DNAH9: variants seen among roughly 807,000 people sequenced by gnomAD.
DNAH9 encodes the protein DNAH9 variant protein.
Under a neutral mutation model 471.6 loss-of-function variants are expected in DNAH9, and 345 were observed. The ratio of observed to expected loss-of-function variants is 0.73; its 90% confidence interval spans 0.67 to 0.80. The LOEUF is 0.80. Ranked by LOEUF, DNAH9 falls within the 30% of genes least tolerant of loss-of-function variation. The pLI, the probability that DNAH9 is intolerant of heterozygous loss-of-function variation, is 0.00. For missense variants in DNAH9, 5,407 were observed against 5,609.2 expected (o/e 0.96, Z 1.15); for synonymous variants, 2,093 against 2,123.6 (o/e 0.99, Z 0.40).
intron 5 of DNAH9, among the ~76,000 whole-genome samples, chr17:11,619,020 T>G (rs542476673): frequency 6.6e-6 from 1 of 152,188 alleles, no homozygotes; most frequent in Non-Finnish European, 1.5e-5. Flanking sequence ...TATTGGCTCA[T>G]GTACCTTGAA....
Position 11,699,877 on chromosome 17 carries a change from C to T in DNAH9, c.5019C>T (p.Ser1673=), listed in dbSNP as rs138213866. 2.2e-5 allele frequency: 35 copies of T among 1,613,900 alleles called. No individual in the cohort carries two copies. Among genetic ancestry groups the T allele is most frequent in the South Asian group, 1.9e-4 (17 of 91,074 alleles). ...CTTTCAGTGAGCCCTGTGACTGCAG[C>T]GGGCAGGTAACACAGTAGCCCTTTC... ...YVAFSEPCDC[S]GQVEIWLNHV... The change falls in exon 23 of 69, where the codon AGC becomes AGT. Residue 1673 remains serine, a synonymous_variant. Coordinates refer to ENST00000262442, the MANE Select transcript of DNAH9 (RefSeq NM_001372.4).
chr17:11,948,831 A>G (rs1272920202), intron 67 of DNAH9, among the ~76,000 whole-genome samples: 2 of 152,160 alleles, frequency 1.3e-5, no homozygotes, highest in Non-Finnish European at 2.9e-5. Context: ...GGTAGAAAAA[A>G]CAGAGAGGAG....
chr17:11,864,788 G>A (rs921283524), intron 50 of DNAH9, among the ~76,000 whole-genome samples: 6 of 151,492 alleles, frequency 4.0e-5, no homozygotes, highest in Non-Finnish European at 7.4e-5. Flanking sequence ...GGCCTTCTTT[G>A]TCTCTTTTGA....
intron 7 of DNAH9, among the ~76,000 whole-genome samples, chr17:11,631,954 A>C (rs763386283): frequency 6.0e-5 from 9 of 150,496 alleles, no homozygotes; most frequent in Non-Finnish European, 1.2e-4. Flanking sequence ...GGGTTGCCAG[A>C]TAAACTACAC....
chr17:11,829,604 T>G (rs893852773), intron 48 of DNAH9, among the ~76,000 whole-genome samples: 23 of 152,178 alleles, frequency 1.5e-4, no homozygotes, highest in Non-Finnish European at 3.4e-4. Context: ...CTGAAGTAGC[T>G]GGAACTACAG....
intron 26 of DNAH9, among the ~76,000 whole-genome samples, chr17:11,705,836 T>A (rs953128837): frequency 3.9e-5 from 6 of 152,164 alleles, no homozygotes; most frequent in Non-Finnish European, 7.3e-5. Context: ...ATATCACATA[T>A]ACCCCATAAA....
intron 38 of DNAH9, among the ~76,000 whole-genome samples, chr17:11,771,581 C>T (rs1968206326): frequency 1.3e-5 from 2 of 152,326 alleles, no homozygotes; most frequent in South Asian, 4.1e-4. Flanking sequence ...CCGAAGTCAT[C>T]ACATCAGCAC....
chr17:11,814,532 C>T (rs372754358), intron 45 of DNAH9, among the ~76,000 whole-genome samples: 3 of 152,172 alleles, frequency 2.0e-5, no homozygotes, highest in African/African-American at 7.2e-5. Flanking sequence ...TCTATGTATT[C>T]ATATATTCAA....
At chr17:11,911,482 T>C (rs965501578) in intron 61 of DNAH9, among the ~76,000 whole-genome samples, 2 of 152,222 alleles carry the variant, frequency 1.3e-5, no homozygotes, top group African/African-American at 2.4e-5. Flanking sequence ...CTTTGTTCTT[T>C]TCATGATTGT....
chr17:11,660,404 C>T (rs1207378589), intron 14 of DNAH9, among the ~76,000 whole-genome samples: 1 of 149,758 alleles, frequency 6.7e-6, no homozygotes, highest in African/African-American at 2.5e-5. Flanking sequence ...CTTACTGCAA[C>T]CTGCGCTTCC....
intron 14 of DNAH9, among the ~76,000 whole-genome samples, chr17:11,657,126 G>A (rs1427229708): frequency 6.6e-6 from 1 of 152,116 alleles, no homozygotes; most frequent in Non-Finnish European, 1.5e-5. Flanking sequence ...TGTTTAATGT[G>A]TGTAAGTAAT....
chr17:11,707,046 C>T (rs2074714968), intron 26 of DNAH9, among the ~76,000 whole-genome samples: 1 of 152,194 alleles, frequency 6.6e-6, no homozygotes, highest in Admixed American at 6.5e-5. Context: ...CAGCACAACA[C>T]AGGTAAAGGA....
rs896329670 is a variant in DNAH9, at chr17:11,969,268, C to T, written c.13234-32C>T. 5.0e-6 allele frequency: 8 copies of T among 1,600,482 alleles called. No homozygotes were observed. In the African/African-American group the frequency reaches 1.1e-4, roughly 21 times the overall value. ...TGGTTGGCTGGGCTCTGGGTCTGAT[C>T]TAAGGTGCCTCTTCTCATGTTTTAT... On this transcript the variant is annotated intron_variant, in intron 68 of 68. Transcript: ENST00000262442.
At chr17:11,645,168 G>T (rs1200729149) in intron 11 of DNAH9, among the ~76,000 whole-genome samples, 1 of 152,198 alleles carries the variant, frequency 6.6e-6, no homozygotes, top group African/African-American at 2.4e-5. Context: ...AGGGCTTAGG[G>T]TCTAGAAACA....
chr17:11,604,778 C>G (rs913446769), intron 1 of DNAH9, among the ~76,000 whole-genome samples: 2 of 152,048 alleles, frequency 1.3e-5, no homozygotes, highest in African/African-American at 4.8e-5. Context: ...TGGAATCAGG[C>G]CATTTCTTAC....
chr17:11,635,301 G>A (rs993538705), intron 8 of DNAH9, among the ~76,000 whole-genome samples: 8 of 150,920 alleles, frequency 5.3e-5, no homozygotes, highest in Non-Finnish European at 1.2e-4. Flanking sequence ...CGAGTAGCTG[G>A]GATTACAGGC....
chr17:11,778,365 A>G lies in DNAH9; in HGVS notation c.7553-2644A>G, dbSNP rs372463408. Among the ~76,000 whole-genome samples the G allele has an allele frequency of 4.3e-3, 636 of 147,698 alleles. 4 individuals carry two copies. Among genetic ancestry groups the G allele is most frequent in the African/African-American group, 0.015 (612 of 40,010 alleles). ...AAAAAAAAAAAAAAAAAAAAAAAGA[A>G]AAGGGAAGAAAAAAAAGAGAAACGG... is the stretch of plus-strand genomic sequence containing the variant. On this transcript the variant is annotated intron_variant, in intron 38 of 68. Transcript: ENST00000262442.
rs748957242 is a variant in DNAH9, at chr17:11,875,053, C to T, written c.10347C>T (p.Ser3449=). 38 of 1,613,978 alleles carry T rather than the reference C, an allele frequency of 2.4e-5. No individual in the cohort carries two copies. The highest frequency in any genetic ancestry group is 4.5e-5 in the East Asian group (2 of 44,884). Residue 3449 remains serine, a synonymous_variant, in exon 53 of 69, where the codon TCC becomes TCT. Transcript: ENST00000262442. ...AGGGCCTCCCAGCCGACCGCATGTC[C>T]GTGGAGAATGCCACCATTCTCATCA... is the stretch of plus-strand genomic sequence containing the variant. ...QNEGLPADRM[S]VENATILINC... is the part of the protein sequence containing the mutation.
chr17:11,931,498 A>G (rs1266608498), intron 63 of DNAH9, among the ~76,000 whole-genome samples: 1 of 152,220 alleles, frequency 6.6e-6, no homozygotes, highest in Non-Finnish European at 1.5e-5. Flanking sequence ...GTAGGAGTCC[A>G]GCAGCCCAAC....
Sources: gnomAD v4.1 joint callset for allele counts (sites outside exome capture counted in the v4.1 genomes callset) on GRCh38, gnomAD v4.1.1 for gene constraint, MANE v1.5 for transcripts, NCBI Gene and HGNC (gene_info 2026-07-23, HGNC 2026-07-21) for gene names.